Variants in CSTF1 observed in about 807,000 individuals in gnomAD.
CSTF1 encodes the protein CF-1 50 kDa subunit.
Under a neutral mutation model 40.9 loss-of-function variants are expected in CSTF1, and 2 were observed. That is an observed-to-expected ratio of 0.05 (90% CI 0.02 to 0.15). CSTF1 has a LOEUF of 0.15. Ranked by LOEUF, CSTF1 falls within the 10% of genes least tolerant of loss-of-function variation. The pLI is 1.00. For synonymous variants in CSTF1, 218 were observed against 207.2 expected, an observed-to-expected ratio of 1.05 and a Z score of -0.45; for missense variants, 279 against 558.9, an observed-to-expected ratio of 0.50 and a Z score of 5.05.
chr20:56,398,846 C>G (rs945272366), intron 4 of CSTF1, 121 bp from the exon 5 acceptor site: 1 of 902,404 alleles, frequency 1.1e-6, no homozygotes, highest in Non-Finnish European at 1.6e-6. Context: ...TCTTATGATA[C>G]CTGTGTAATA....
At position 56,398,976 on chromosome 20, in the gene CSTF1, A is replaced by G. The variant is rs1412590811; in HGVS notation, c.655A>G (p.Met219Val). The G allele has an allele frequency of 6.2e-7, 1 of 1,602,656 alleles. No homozygotes were observed. Among genetic ancestry groups the G allele is most frequent in the Non-Finnish European group, 8.5e-7 (1 of 1,172,990 alleles). The part of the protein sequence containing the change: ...RAFKYIQEAE[M>V]LRSISFHPSG... The stretch of plus-strand genomic sequence containing the variant: ...GTCTCTGTCCCAACAGGAAGCTGAA[A>G]TGTTACGTTCCATCTCTTTTCATCC... Residue 219 changes from methionine to valine, a missense_variant, in exon 5 of 6, where the codon ATG (methionine) becomes GTG (valine). By Grantham distance (21) the Met-to-Val change is conservative. Coordinates refer to ENST00000217109, the MANE Select transcript of CSTF1 (RefSeq NM_001324.3).
chr20:56,400,887 A>T (rs533941401), intron 5 of CSTF1, among the ~76,000 whole-genome samples: 1 of 152,136 alleles, frequency 6.6e-6, no homozygotes, highest in East Asian at 1.9e-4. Context: ...AAAAATACAA[A>T]AATTAGCTGG....
chr20:56,396,306 A>T (rs1290383017), intron 2 of CSTF1, among the ~76,000 whole-genome samples: 1 of 152,236 alleles, frequency 6.6e-6, no homozygotes, highest in African/African-American at 2.4e-5. Flanking sequence ...ATTACCAAAC[A>T]TGTTAATACC....
intron 1 of CSTF1, among the ~76,000 whole-genome samples, chr20:56,394,169 T>C (rs1478232454): frequency 6.6e-6 from 1 of 152,260 alleles, no homozygotes; most frequent in Non-Finnish European, 1.5e-5. Context: ...TTGAATACAT[T>C]GAATGATTTT....
intron 5 of CSTF1, 134 bp from the exon 6 acceptor site, chr20:56,403,334 T>A: frequency 9.2e-7 from 1 of 1,088,582 alleles, no homozygotes; most frequent in Non-Finnish European, 1.3e-6. Context: ...TTTTTTGTAC[T>A]TTTTTAGAGT....
chr20:56,398,308 T>A (rs187456442), intron 4 of CSTF1, among the ~76,000 whole-genome samples: 1 of 152,328 alleles, frequency 6.6e-6, no homozygotes, highest in Admixed American at 6.5e-5. Flanking sequence ...GTGGCTCATG[T>A]CTGTAATCCC....
Position 56,405,560 on chromosome 20 carries a change from C to G in CSTF1, c.*1833C>G, listed in dbSNP as rs968865390. 1 of 152,182 alleles carries G rather than the reference C, an allele frequency of 6.6e-6. No individual in the cohort carries two copies. The highest frequency in any genetic ancestry group is 1.5e-5 in the Non-Finnish European group (1 of 68,046). The allele number at this position is 152,182 out of a possible 1,614,324, so 9.4% of individuals were successfully genotyped here. On this transcript the variant is annotated 3_prime_UTR_variant, in exon 6 of 6. Coordinates refer to ENST00000217109, the MANE Select transcript of CSTF1 (RefSeq NM_001324.3). ...TGCGTAAACATTCTGTTTTAGTCAT[C>G]CTTGAGGATCGTTTTAACTCCTTGA...
intron 1 of CSTF1, among the ~76,000 whole-genome samples, chr20:56,393,170 A>ATG (rs11473393): frequency 0.66 from 87,453 of 131,972 alleles, 26,154 homozygotes; most frequent in East Asian, 0.84. Flanking sequence ...ACACACACAT[A>ATG]TGTGTGTGTG....
chr20:56,400,534 A>G (rs1408964786), intron 5 of CSTF1, among the ~76,000 whole-genome samples: 5 of 152,182 alleles, frequency 3.3e-5, no homozygotes, highest in Admixed American at 6.5e-5. Flanking sequence ...CCTACTGACA[A>G]TAGCTTATAT....
In CSTF1 at chr20:56,397,022, CGTG is replaced by C. The variant is rs1390420970; in HGVS notation, c.170-181_170-179del. 1.6e-6 allele frequency: 1 copy of C among 612,362 alleles called. No homozygotes were observed. Among genetic ancestry groups the C allele is most frequent in the African/African-American group, 1.9e-5 (1 of 53,842 alleles). 37.9% of individuals were successfully genotyped at this position (612,362 alleles called of 1,614,324 possible). On this transcript the variant is annotated intron_variant, in intron 2 of 5. Coordinates refer to ENST00000217109, the MANE Select transcript of CSTF1 (RefSeq NM_001324.3). The surrounding 1 kb of genome is among the most constrained non-coding windows in gnomAD (Gnocchi z 4.4). Reference sequence around the variant, plus strand: ...TCCAGCAACCCATGTGGCCTCACAGCGTGGTGAACTTTGAATAGCATGGGCAAA... The same window carrying C: ...TCCAGCAACCCATGTGGCCTCACAGCGTGAACTTTGAATAGCATGGGCAAA...
rs1408153614 is a variant in CSTF1, at chr20:56,405,238, C to T, written c.*1511C>T. On this transcript the variant is annotated 3_prime_UTR_variant, in exon 6 of 6. Coordinates refer to ENST00000217109, the MANE Select transcript of CSTF1 (RefSeq NM_001324.3). Reference sequence around the variant, plus strand: ...GTTTTGTTTTTGAGACGGAGTTTCGCTCTTGTCCCCCAGGCTTTAGTGCAA... The same window carrying T: ...GTTTTGTTTTTGAGACGGAGTTTCGTTCTTGTCCCCCAGGCTTTAGTGCAA... The T allele has an allele frequency of 6.6e-6, 1 of 152,134 alleles. No homozygotes were observed. Among genetic ancestry groups the T allele is most frequent in the Non-Finnish European group, 1.5e-5 (1 of 68,052 alleles). The allele number at this position is 152,134 out of a possible 1,614,324, so 9.4% of individuals were successfully genotyped here.
Position 56,405,029 on chromosome 20 carries a change from T to C in CSTF1, c.*1302T>C, listed in dbSNP as rs2146252211. The C allele has an allele frequency of 6.6e-6, 1 of 151,778 alleles. No homozygotes were observed. The highest frequency in any genetic ancestry group is 2.1e-4 in the South Asian group (1 of 4,794). The allele number at this position is 151,778 out of a possible 1,614,324, so 9.4% of individuals were successfully genotyped here. On this transcript the variant is annotated 3_prime_UTR_variant, in exon 6 of 6. Transcript: ENST00000217109. ...TTCAGCACTAGCAGAGTCAGAGAAC[T>C]CTGAACTCCCCTTGTACAAACATAA... is the stretch of plus-strand genomic sequence containing the variant.
At chr20:56,395,753 T>C (rs1987501573) in intron 2 of CSTF1, 32 bp downstream of exon 2, 1 of 1,603,376 alleles carries the variant, frequency 6.2e-7, no homozygotes, top group East Asian at 2.2e-5. Flanking sequence ...ATACGTCCCA[T>C]GGCAAGGTTT....
chr20:56,403,873 CT>C lies in CSTF1; in HGVS notation c.*153del. On this transcript the variant is annotated 3_prime_UTR_variant, in exon 6 of 6. Transcript: ENST00000217109. Reference sequence around the variant, plus strand: ...TCTTCTTGGATTTGTATAAAAGAATCTTTTTTTACCTTGATGTAGAATCATG... The same window carrying C: ...TCTTCTTGGATTTGTATAAAAGAATCTTTTTTACCTTGATGTAGAATCATG... The C allele has an allele frequency of 1.2e-6, 1 of 806,828 alleles. No individual in the cohort carries two copies. Among genetic ancestry groups the C allele is most frequent in the Non-Finnish European group, 1.9e-6 (1 of 515,328 alleles). 50.0% of individuals were successfully genotyped at this position (806,828 alleles called of 1,614,324 possible).
Position 56,403,708 on chromosome 20 carries a change from G to A in CSTF1, c.1277G>A (p.Arg426Gln), listed in dbSNP as rs771101793. Residue 426 changes from arginine (R) to glutamine (Q), a missense_variant, in exon 6 of 6, where the codon CGG becomes CAG. This residue lies in a region of CSTF1 where 162 missense variants were observed against 337.1 expected (regional missense o/e 0.48). Coordinates refer to ENST00000217109, the MANE Select transcript of CSTF1 (RefSeq NM_001324.3). ...SDDFRARFWY[R>Q]RSTTD is the part of the protein sequence containing the mutation. The stretch of plus-strand genomic sequence containing the variant: ...GACTTCAGAGCGCGGTTTTGGTACC[G>A]GAGATCGACCACTGACTGAGCCACC... 6 of 1,613,016 alleles carry A rather than the reference G, an allele frequency of 3.7e-6. No homozygotes were observed. The highest frequency in any genetic ancestry group is 1.3e-5 in the African/African-American group (1 of 74,978).
In CSTF1 at chr20:56,403,451, C is replaced by G. The variant is rs1978559066; in HGVS notation, c.1037-17C>G. The G allele has an allele frequency of 1.2e-6, 2 of 1,613,760 alleles. No individual in the cohort carries two copies. Among genetic ancestry groups the G allele is most frequent in the African/African-American group, 1.3e-5 (1 of 75,020 alleles). On this transcript the variant is annotated splice_polypyrimidine_tract_variant and intron_variant, in intron 5 of 5. Transcript: ENST00000217109. Reference sequence around the variant, plus strand: ...GATGTGGACTTAGAAAGCTATCCCTCTTGCTCTCTGTGGCAGGCGCGGGTT... The same window carrying G: ...GATGTGGACTTAGAAAGCTATCCCTGTTGCTCTCTGTGGCAGGCGCGGGTT...
intron 1 of CSTF1, among the ~76,000 whole-genome samples, chr20:56,393,209 TCAG>T (rs976404091): frequency 4.6e-5 from 7 of 151,506 alleles, no homozygotes; most frequent in African/African-American, 1.2e-4. Context: ...CGGGATGTGC[TCAG>T]CAGAAGTGAA....
rs527347986 is a variant in CSTF1 at position 56,393,551 on chromosome 20, A to G, written c.-33+838A>G. On this transcript the variant is annotated intron_variant, in intron 1 of 5. Coordinates refer to ENST00000217109, the MANE Select transcript of CSTF1 (RefSeq NM_001324.3). ...GGAGAAAAACGATATTTAATTACGT[A>G]CAGGAGTCCCACAAAATACGAGACT... is the stretch of plus-strand genomic sequence containing the variant. 2.2e-3 allele frequency among the ~76,000 whole-genome samples: 329 copies of G among 150,736 alleles called. 3 individuals carry two copies. Among genetic ancestry groups the G allele is most frequent in the African/African-American group, 7.8e-3 (320 of 40,994 alleles).
Position 56,405,179 on chromosome 20 carries a change from A to C in CSTF1, c.*1452A>C, listed in dbSNP as rs1415201508. ...ATTGAAGTAAAAGTCATTGCTTTATATTATAGGAAGTTTTGTTTTGTTTTG... is the reference window on the plus strand; with the variant it reads ...ATTGAAGTAAAAGTCATTGCTTTATCTTATAGGAAGTTTTGTTTTGTTTTG... On this transcript the variant is annotated 3_prime_UTR_variant, in exon 6 of 6. Coordinates refer to ENST00000217109, the MANE Select transcript of CSTF1 (RefSeq NM_001324.3). 6.6e-6 allele frequency: 1 copy of C among 152,012 alleles called. No individual in the cohort carries two copies. Among genetic ancestry groups the C allele is most frequent in the Admixed American group, 6.6e-5 (1 of 15,258 alleles). 9.4% of individuals were successfully genotyped at this position (152,012 alleles called of 1,614,324 possible). A position where few individuals can be genotyped will look rare whatever the true frequency, so the allele number is the denominator to read the frequency against.
Sources: gnomAD v4.1 joint callset for allele counts (sites outside exome capture counted in the v4.1 genomes callset) on GRCh38, gnomAD v4.1.1 for gene constraint, gnomAD v4.1.1 regional missense constraint, Gnocchi (gnomAD v3.1) non-coding constraint, MANE v1.5 for transcripts, NCBI Gene and HGNC (gene_info 2026-07-23, HGNC 2026-07-21) for gene names.